Variants in ACSBG2 observed in about 807,000 individuals in gnomAD.
The protein encoded by ACSBG2 is long-chain-fatty-acid--CoA ligase ACSBG2.
A neutral mutation model predicts 74.7 loss-of-function variants in ACSBG2; 62 were observed. The observed-to-expected ratio is 0.83, with a 90% CI of 0.68 to 1.03. The LOEUF (loss-of-function observed/expected upper bound fraction) is 1.03, where lower values mean the gene tolerates loss of function less well. Ranked by LOEUF, ACSBG2 falls within the 50% of genes least tolerant of loss-of-function variation. The pLI is 0.00. For synonymous variants in ACSBG2, 309 were observed against 294.1 expected, an observed-to-expected ratio of 1.05 and a Z score of -0.52; for missense variants, 730 against 817.6, an observed-to-expected ratio of 0.89 and a Z score of 1.31.
At chr19:6,153,861 A>AAGAAG (rs2089317054) in intron 4 of ACSBG2, among the ~76,000 whole-genome samples, 1 of 89,788 alleles carries the variant, frequency 1.1e-5, no homozygotes, top group Non-Finnish European at 1.9e-5. Context: ...AATAAAAGTA[A>AAGAAG]AGAAAAGAAA....
chr19:6,153,042 G>T lies in ACSBG2; in HGVS notation c.386+1247G>T, dbSNP rs996060376. On this transcript the variant is annotated intron_variant, in intron 4 of 14. Transcript: ENST00000588485. Reference sequence around the variant, plus strand: ...GCGGATCACAAGGTCAGGAGATCCAGACCATCCTGGCTAACATGCTGAAAC... The same window carrying T: ...GCGGATCACAAGGTCAGGAGATCCATACCATCCTGGCTAACATGCTGAAAC... Among the ~76,000 whole-genome samples, 10 of 152,078 alleles carry T rather than the reference G, an allele frequency of 6.6e-5. 1 individual carries two copies. The South Asian group carries it at 8.3e-4, about 13-fold the overall frequency.
At chr19:6,171,191 A>G (rs1156890319) in intron 7 of ACSBG2, among the ~76,000 whole-genome samples, 1 of 151,760 alleles carries the variant, frequency 6.6e-6, no homozygotes, top group East Asian at 1.9e-4. Flanking sequence ...TTGTCACTCT[A>G]TGTCTTTTAA....
At position 6,187,655 on chromosome 19, in the gene ACSBG2, C is replaced by A; in HGVS notation, c.1737C>A (p.Ile579=). 6.2e-7 allele frequency: 1 copy of A among 1,614,096 alleles called. No individual in the cohort carries two copies. The highest frequency in any genetic ancestry group is 1.3e-5 in the African/African-American group (1 of 74,990). The change falls in exon 13 of 15, where the codon ATC becomes ATA. Residue 579 remains isoleucine (I), a synonymous_variant. Coordinates refer to ENST00000588485, the MANE Select transcript of ACSBG2 (RefSeq NM_030924.5). The stretch of plus-strand genomic sequence containing the variant: ...TGGACAAGCTGAACTTCGAGGCCAT[C>A]AACTTCTGTCGGGGTCTGGGCAGCC... The part of the protein sequence containing the change: ...EPLDKLNFEA[I]NFCRGLGSQA...
At position 6,154,457 on chromosome 19, in the gene ACSBG2, T is replaced by C. The variant is rs2089351773; in HGVS notation, c.387-1974T>C. Reference sequence around the variant, plus strand: ...GAAAATTATTATTATATATATAAAATATATAATACATATAATAAATAATAT... The same window carrying C: ...GAAAATTATTATTATATATATAAAACATATAATACATATAATAAATAATAT... On this transcript the variant is annotated intron_variant, in intron 4 of 14. Coordinates refer to ENST00000588485, the MANE Select transcript of ACSBG2 (RefSeq NM_030924.5). Among the ~76,000 whole-genome samples, 4 of 145,892 alleles carry C rather than the reference T, an allele frequency of 2.7e-5. No individual in the cohort carries two copies. The South Asian group carries it at 8.4e-4, about 31-fold the overall frequency.
chr19:6,144,742 T>C (rs2088967528), intron 2 of ACSBG2, among the ~76,000 whole-genome samples: 1 of 151,952 alleles, frequency 6.6e-6, no homozygotes, highest in Non-Finnish European at 1.5e-5. Flanking sequence ...TCACCCAGGC[T>C]GGAGTGCAGT....
At chr19:6,161,017 T>G (rs2089589699) in intron 5 of ACSBG2, among the ~76,000 whole-genome samples, 198 bp from the exon 6 acceptor site, 1 of 151,348 alleles carries the variant, frequency 6.6e-6, no homozygotes, top group Non-Finnish European at 1.5e-5. Flanking sequence ...GGAGAATGGC[T>G]TCAACCCGGG....
At chr19:6,147,377 A>G in intron 2 of ACSBG2, 69 bp from the exon 3 acceptor site, 1 of 1,366,520 alleles carries the variant, frequency 7.3e-7, no homozygotes, top group Middle Eastern at 1.9e-4. Flanking sequence ...AAAGACACCA[A>G]CCGCCCCCCG....
chr19:6,151,427 C>G (rs1056249893), intron 3 of ACSBG2, among the ~76,000 whole-genome samples: 13 of 152,084 alleles, frequency 8.5e-5, no homozygotes, highest in Non-Finnish European at 1.8e-4. Context: ...CCTGCCTCAG[C>G]TACCCAAGTA....
At chr19:6,137,981 C>T (rs530712583) in intron 1 of ACSBG2, among the ~76,000 whole-genome samples, 41 of 152,244 alleles carry the variant, frequency 2.7e-4, no homozygotes, top group African/African-American at 9.9e-4. Context: ...ACACTTTTAT[C>T]GTGGAAAGTT....
intron 7 of ACSBG2, among the ~76,000 whole-genome samples, chr19:6,168,797 G>T (rs1375574561): frequency 2.0e-5 from 3 of 150,978 alleles, no homozygotes; most frequent in Admixed American, 6.6e-5. Context: ...TATTTTTTTT[G>T]AAACAGAGTC....
intron 4 of ACSBG2, among the ~76,000 whole-genome samples, chr19:6,155,922 CAA>C (rs55846830): frequency 2.7e-4 from 38 of 140,532 alleles, no homozygotes; most frequent in South Asian, 1.6e-3. Flanking sequence ...AATAAAAAGG[CAA>C]AAAAAAAAAA....
chr19:6,191,242 T>A (rs552301012), intron 14 of ACSBG2: 13 of 131,990 alleles, frequency 9.8e-5, no homozygotes, highest in African/African-American at 3.6e-4. Context: ...TATTGAGGTG[T>A]TTTTTTTTTT....
intron 1 of ACSBG2, among the ~76,000 whole-genome samples, chr19:6,140,796 C>G (rs1430270190): frequency 6.6e-6 from 1 of 152,110 alleles, no homozygotes; most frequent in Non-Finnish European, 1.5e-5. Flanking sequence ...ATATTGTCAG[C>G]TTTTTTGATC....
chr19:6,149,756 C>A (rs1361411745), intron 3 of ACSBG2, among the ~76,000 whole-genome samples: 1 of 151,998 alleles, frequency 6.6e-6, no homozygotes, highest in Non-Finnish European at 1.5e-5. Context: ...GATCCACGTG[C>A]CTTGGCCTCC....
chr19:6,171,314 T>G (rs2089958387), intron 7 of ACSBG2, among the ~76,000 whole-genome samples: 2 of 152,268 alleles, frequency 1.3e-5, no homozygotes, highest in Non-Finnish European at 2.9e-5. Flanking sequence ...ATAGGGTCTG[T>G]GGGCTTTGTG....
chr19:6,149,184 A>C (rs1281375460), intron 3 of ACSBG2, among the ~76,000 whole-genome samples: 3 of 152,214 alleles, frequency 2.0e-5, no homozygotes, highest in African/African-American at 7.2e-5. Context: ...TGGAGACCCA[A>C]GTAGAAATTA....
At chr19:6,188,793 G>A (rs904932047) in intron 13 of ACSBG2, among the ~76,000 whole-genome samples, 3 of 152,082 alleles carry the variant, frequency 2.0e-5, no homozygotes, top group Non-Finnish European at 4.4e-5. Context: ...GTCATTGATT[G>A]GTTGAGGTAA....
intron 5 of ACSBG2, among the ~76,000 whole-genome samples, chr19:6,157,827 C>T (rs1450291062): frequency 6.6e-6 from 1 of 152,038 alleles, no homozygotes; most frequent in East Asian, 1.9e-4. Flanking sequence ...GCCCATGCTA[C>T]TATATAATTT....
At chr19:6,156,855 C>T (rs2089442300) in intron 5 of ACSBG2, among the ~76,000 whole-genome samples, 1 of 150,940 alleles carries the variant, frequency 6.6e-6, no homozygotes, top group Non-Finnish European at 1.5e-5. Context: ...GTGATTGTAG[C>T]TCACTGTAGC....
Sources: allele counts gnomAD v4.1 joint callset (sites outside exome capture counted in the v4.1 genomes callset), GRCh38; gene constraint gnomAD v4.1.1; transcripts MANE v1.5; gene names NCBI Gene and HGNC (gene_info 2026-07-23, HGNC 2026-07-21).